Variants in ATP5MC2 observed in about 807,000 individuals in gnomAD.
ATP5MC2 encodes the protein ATP synthase membrane subunit c locus 2.
ATP5MC2 carries 11 observed loss-of-function variants against 13.5 expected under a neutral mutation model. The ratio of observed to expected loss-of-function variants is 0.81; its 90% CI spans 0.51 to 1.35. The LOEUF is 1.35. Ranked by LOEUF, ATP5MC2 falls within the 40% of genes most tolerant of loss-of-function variation. The pLI is 0.00. For missense variants in ATP5MC2, 132 were observed against 175.0 expected (o/e 0.75, Z 1.39); for synonymous variants, 64 against 69.7 (o/e 0.92, Z 0.41).
upstream of ATP5MC2, among the ~76,000 whole-genome samples, chr12:53,681,055 C>T (rs1316880447): frequency 1.3e-5 from 2 of 151,536 alleles, no homozygotes; most frequent in African/African-American, 2.4e-5. Flanking sequence ...TACAGGTGTG[C>T]ACCACCACAC....
chr12:53,673,348 A>G (rs992684174), intron 1 of ATP5MC2: 1 of 151,346 alleles, frequency 6.6e-6, no homozygotes, highest in African/African-American at 2.5e-5. Flanking sequence ...ACAAACAAAC[A>G]AAAAGTTGCC....
At chr12:53,673,819 CA>C (rs371072145) in intron 1 of ATP5MC2, 16,655 of 130,444 alleles carry the variant, frequency 0.13, 1,749 homozygotes, top group African/African-American at 0.33. Context: ...GAAACTGTCT[CA>C]AAAAAAAAAA....
At chr12:53,672,928 G>GT in intron 1 of ATP5MC2, 1 of 310,060 alleles carries the variant, frequency 3.2e-6, no homozygotes, top group Non-Finnish European at 6.0e-6. Flanking sequence ...ATGATTTGCA[G>GT]TTGCCACAGG....
intron 4 of ATP5MC2, among the ~76,000 whole-genome samples, chr12:53,667,775 G>GT (rs1357664238): frequency 2.6e-5 from 4 of 151,542 alleles, no homozygotes; most frequent in African/African-American, 4.8e-5. Context: ...GATTATAGGC[G>GT]TAAGGCACCA....
chr12:53,676,028 A>G (rs369330151), intron 1 of ATP5MC2, 25 bp downstream of exon 1: 28 of 1,608,802 alleles, frequency 1.7e-5, no homozygotes, highest in Admixed American at 8.5e-5. Flanking sequence ...CAGCGCACAG[A>G]GGGCTCTAGG....
chr12:53,678,428 C>G (rs1422039418), upstream of ATP5MC2, among the ~76,000 whole-genome samples: 1 of 152,172 alleles, frequency 6.6e-6, no homozygotes, highest in African/African-American at 2.4e-5. Context: ...CAACTCAATT[C>G]TGCACTGCTA....
chr12:53,676,073 A>G lies in ATP5MC2; in HGVS notation c.-52T>C, dbSNP rs1262283166. The G allele has an allele frequency of 6.2e-7, 1 of 1,614,170 alleles. No homozygotes were observed. Among genetic ancestry groups the G allele is most frequent in the Non-Finnish European group, 8.5e-7 (1 of 1,180,030 alleles). ...CTTACCTGCTCCCACTGCAGAGAAG[A>G]CAGAGAGGGGCGGAGCAGCGGGAAG... On this transcript the variant is annotated 5_prime_UTR_variant, in exon 1 of 5. Transcript: ENST00000394349.
In ATP5MC2 at chr12:53,667,800, A is replaced by G. The variant is rs983504226; in HGVS notation, c.311+1348T>C. 2.6e-5 allele frequency among the ~76,000 whole-genome samples: 4 copies of G among 151,524 alleles called. No homozygotes were observed. In the East Asian group the frequency reaches 7.8e-4, roughly 30 times the overall value. ...GTAAGGCACCACACCCGGCCATAAA[A>G]TTATTTTTAGCTCAATCATACAAAA... On this transcript the variant is annotated intron_variant, in intron 4 of 4. Transcript: ENST00000394349.
intron 3 of ATP5MC2, among the ~76,000 whole-genome samples, chr12:53,669,656 T>G (rs1945034736): frequency 6.6e-6 from 1 of 152,222 alleles, no homozygotes; most frequent in Admixed American, 6.5e-5. Flanking sequence ...TTAGCAGCAG[T>G]GCACAGGGGC....
upstream of ATP5MC2, chr12:53,676,429 A>G (rs1024105945): frequency 1.6e-5 from 9 of 549,820 alleles, no homozygotes; most frequent in South Asian, 2.2e-5. Context: ...CTCAGAATTC[A>G]GTGTTAACAT....
Position 53,674,298 on chromosome 12 carries a change from C to T in ATP5MC2, c.-31-1653G>A, listed in dbSNP as rs140479061. On this transcript the variant is annotated intron_variant, in intron 1 of 4. Transcript: ENST00000394349. ...GCTGGAGGCTTCAGTGAGCTATGATCACGCCAGTTGTCCAGTATGGGCAAC... is the reference window on the plus strand; with the variant it reads ...GCTGGAGGCTTCAGTGAGCTATGATTACGCCAGTTGTCCAGTATGGGCAAC... 8.9e-3 allele frequency among the ~76,000 whole-genome samples: 1,351 copies of T among 152,342 alleles called. 9 individuals are homozygous for T. The highest frequency in any genetic ancestry group is 0.015 in the Non-Finnish European group (1,028 of 68,028).
intron 4 of ATP5MC2, 52 bp from the exon 5 acceptor site, chr12:53,665,480 G>C (rs1281504849): frequency 1.4e-6 from 2 of 1,407,452 alleles, no homozygotes; most frequent in African/African-American, 1.4e-5. Flanking sequence ...ACAAAGAAAA[G>C]GATAAATATC....
At chr12:53,678,119 A>C (rs1945317041), upstream of ATP5MC2, among the ~76,000 whole-genome samples, 1 of 152,172 alleles carries the variant, frequency 6.6e-6, no homozygotes, top group Non-Finnish European at 1.5e-5. Context: ...GCCCTCATAG[A>C]ATAATGGGTT....
upstream of ATP5MC2, chr12:53,676,328 T>G (rs1945276978): frequency 6.6e-6 from 9 of 1,366,572 alleles, no homozygotes; most frequent in Non-Finnish European, 8.9e-6. Flanking sequence ...TAACGTGGAC[T>G]GCGGTTTGGT....
At chr12:53,672,083 CAAAAAAAAA>C (rs916010110) in intron 2 of ATP5MC2, among the ~76,000 whole-genome samples, 1 of 47,186 alleles carries the variant, frequency 2.1e-5, no homozygotes, top group Admixed American at 2.7e-4. Flanking sequence ...AACTCTGTCT[CAAAAAAAAA>C]AAAAAAAAAA....
chr12:53,676,464 C>T (rs1316561348), upstream of ATP5MC2: 1 of 400,268 alleles, frequency 2.5e-6, no homozygotes, highest in Non-Finnish European at 4.5e-6. Context: ...GGTTCAGTGC[C>T]TAAAATGCAG....
chr12:53,666,943 C>CAAAA (rs58565014), intron 4 of ATP5MC2, among the ~76,000 whole-genome samples: 115 of 103,376 alleles, frequency 1.1e-3, no homozygotes, highest in African/African-American at 3.4e-3. Flanking sequence ...GACTCAGTCT[C>CAAAA]AAAAAAAAAA....
chr12:53,676,089 C>G (rs746401143), upstream of ATP5MC2: 3 of 1,614,256 alleles, frequency 1.9e-6, no homozygotes, highest in East Asian at 6.7e-5. Context: ...AGGGGCGGAG[C>G]AGCGGGAAGA....
chr12:53,669,574 C>T (rs1247185216), intron 3 of ATP5MC2, among the ~76,000 whole-genome samples: 34 of 152,138 alleles, frequency 2.2e-4, no homozygotes, highest in Non-Finnish European at 7.4e-5. Context: ...ATTCTTGCTG[C>T]CCCAAGGAGA....
Sources: allele counts gnomAD v4.1 joint callset (sites outside exome capture counted in the v4.1 genomes callset), GRCh38; gene constraint gnomAD v4.1.1; transcripts MANE v1.5; gene names NCBI Gene and HGNC (gene_info 2026-07-23, HGNC 2026-07-21).